The following NEGR1 variants were observed in gnomAD, a reference collection of about 807,000 sequenced individuals.
NEGR1 encodes IgLON family member 4.
In NEGR1, 10 loss-of-function variants were observed where a neutral mutation model predicts 40.9. The observed-to-expected ratio is 0.24, with a 90% CI of 0.15 to 0.42. NEGR1 has a LOEUF of 0.42. Ranked by LOEUF, NEGR1 falls within the 10% of genes least tolerant of loss-of-function variation. The pLI is 1.00. For missense variants in NEGR1, 352 were observed against 438.9 expected, an observed-to-expected ratio of 0.80 and a Z score of 1.77; for synonymous variants, 185 against 166.8, an observed-to-expected ratio of 1.11 and a Z score of -0.84.
intron 1 of NEGR1, among the ~76,000 whole-genome samples, chr1:72,275,479 A>G (rs879586875): frequency 6.6e-6 from 1 of 151,732 alleles, no homozygotes. Context: ...ACTCCTAGGG[A>G]AAAAAAACAA....
chr1:72,000,893 A>C (rs1646551667), intron 1 of NEGR1, among the ~76,000 whole-genome samples: 1 of 152,166 alleles, frequency 6.6e-6, no homozygotes, highest in Non-Finnish European at 1.5e-5. Context: ...TCTTTCAAAC[A>C]AAAGGACAGC....
At chr1:71,439,216 T>C (rs1359109428) in intron 6 of NEGR1, among the ~76,000 whole-genome samples, 1 of 152,174 alleles carries the variant, frequency 6.6e-6, no homozygotes, top group African/African-American at 2.4e-5. Context: ...TAGAGCTCTG[T>C]ATATTAAAGA....
At chr1:72,264,066 A>ATTC (rs1177672125) in intron 1 of NEGR1, among the ~76,000 whole-genome samples, 120 of 151,468 alleles carry the variant, frequency 7.9e-4, no homozygotes, top group Admixed American at 1.4e-3. Flanking sequence ...ATGGAGGCTA[A>ATTC]AATAAAATCA....
At chr1:71,718,789 T>C (rs542708998) in intron 3 of NEGR1, among the ~76,000 whole-genome samples, 4 of 152,276 alleles carry the variant, frequency 2.6e-5, no homozygotes, top group African/African-American at 9.6e-5. Context: ...AGTAATTCCA[T>C]TTCTGCTTCT....
At chr1:71,556,530 T>G (rs1029296085) in intron 6 of NEGR1, among the ~76,000 whole-genome samples, 3 of 151,614 alleles carry the variant, frequency 2.0e-5, no homozygotes, top group African/African-American at 7.3e-5. Flanking sequence ...CACATTATCT[T>G]GGATATACAC....
chr1:72,021,690 G>C (rs1376584128), intron 1 of NEGR1, among the ~76,000 whole-genome samples: 1 of 152,100 alleles, frequency 6.6e-6, no homozygotes, highest in Non-Finnish European at 1.5e-5. Flanking sequence ...TACTCAAAAA[G>C]TGGAAGGAGA....
At chr1:72,246,009 T>G (rs1244042651) in intron 1 of NEGR1, among the ~76,000 whole-genome samples, 4 of 152,156 alleles carry the variant, frequency 2.6e-5, no homozygotes, top group African/African-American at 7.2e-5. Context: ...CTACTAATAT[T>G]CTTACCAGTA....
intron 3 of NEGR1, among the ~76,000 whole-genome samples, chr1:71,761,612 C>A (rs1463556794): frequency 6.6e-6 from 1 of 152,170 alleles, no homozygotes; most frequent in Non-Finnish European, 1.5e-5. Flanking sequence ...CTTTAACCCA[C>A]ATGATTTCCA....
chr1:71,907,436 T>G (rs1661307593), intron 2 of NEGR1, among the ~76,000 whole-genome samples: 1 of 152,030 alleles, frequency 6.6e-6, no homozygotes. Flanking sequence ...CCCTGGGAAA[T>G]GCAAATCAAA....
In NEGR1 at chr1:72,147,966, G is replaced by A. The variant is rs369844441; in HGVS notation, c.176+134353C>T. 4.6e-5 allele frequency among the ~76,000 whole-genome samples: 7 copies of A among 152,070 alleles called. No homozygotes were observed. The East Asian group carries it at 1.4e-3, about 29-fold the overall frequency. ...CTTAGCAGGGTACAGCCTCCCTCCT[G>A]GTTGCTTTCATGGGCTGGCATTGAG... On this transcript the variant is annotated intron_variant, in intron 1 of 6. Coordinates refer to ENST00000357731, the MANE Select transcript of NEGR1 (RefSeq NM_173808.3).
At chr1:71,992,090 C>T (rs549230933) in intron 1 of NEGR1, among the ~76,000 whole-genome samples, 35 of 151,988 alleles carry the variant, frequency 2.3e-4, no homozygotes, top group Admixed American at 5.9e-4. Context: ...CCGCTGTGCC[C>T]GGGCATGAGT....
chr1:71,565,117 T>C (rs905959246), intron 6 of NEGR1, among the ~76,000 whole-genome samples: 1 of 152,124 alleles, frequency 6.6e-6, no homozygotes, highest in Non-Finnish European at 1.5e-5. Flanking sequence ...TAAAATAAAA[T>C]GGTTGTAAAC....
chr1:72,080,580 T>C (rs1298988603), intron 1 of NEGR1, among the ~76,000 whole-genome samples: 1 of 152,136 alleles, frequency 6.6e-6, no homozygotes, highest in Non-Finnish European at 1.5e-5. Context: ...TACACTGAGA[T>C]AATAAATCAA....
intron 3 of NEGR1, among the ~76,000 whole-genome samples, chr1:71,705,505 T>C (rs1016452792): frequency 2.0e-5 from 3 of 152,156 alleles, no homozygotes; most frequent in African/African-American, 7.2e-5. Flanking sequence ...ACAAAGAACA[T>C]GTGTTCAGAA....
At chr1:71,874,424 C>G (rs1444102993) in intron 2 of NEGR1, among the ~76,000 whole-genome samples, 1 of 152,116 alleles carries the variant, frequency 6.6e-6, no homozygotes, top group Admixed American at 6.6e-5. Flanking sequence ...GACTCAACAA[C>G]ACAACTTCTT....
At chr1:71,831,445 A>G (rs1658836712) in intron 2 of NEGR1, among the ~76,000 whole-genome samples, 1 of 151,906 alleles carries the variant, frequency 6.6e-6, no homozygotes, top group South Asian at 2.1e-4. Flanking sequence ...TTAAACTTCT[A>G]TTCTGGTTTA....
intron 6 of NEGR1, among the ~76,000 whole-genome samples, chr1:71,566,816 A>T (rs1648634911): frequency 6.6e-6 from 1 of 152,166 alleles, no homozygotes; most frequent in African/African-American, 2.4e-5. Flanking sequence ...ATAGTTCTGA[A>T]GGCTGGGAAA....
chr1:72,130,471 A>C (rs1650202174), intron 1 of NEGR1, among the ~76,000 whole-genome samples: 1 of 152,190 alleles, frequency 6.6e-6, no homozygotes, highest in Non-Finnish European at 1.5e-5. Flanking sequence ...AGGAAGCTGA[A>C]GCCCTCTGTA....
intron 6 of NEGR1, among the ~76,000 whole-genome samples, chr1:71,500,173 A>G (rs564020561): frequency 1.2e-4 from 19 of 152,224 alleles, no homozygotes; most frequent in African/African-American, 4.6e-4. Flanking sequence ...TCACCATGTC[A>G]TAAGTTAATA....
Sources: allele counts gnomAD v4.1 joint callset (sites outside exome capture counted in the v4.1 genomes callset), GRCh38; gene constraint gnomAD v4.1.1; transcripts MANE v1.5; gene names NCBI Gene and HGNC (gene_info 2026-07-23, HGNC 2026-07-21).